The following YAE1 variants were observed in gnomAD, a reference collection of about 807,000 sequenced individuals.
YAE1 encodes YAE1 maturation factor of ABCE1.
A neutral mutation model predicts 23.0 loss-of-function variants in YAE1; 22 were observed. The ratio of observed to expected loss-of-function variants is 0.96; its 90% CI spans 0.68 to 1.37. The LOEUF is 1.37. YAE1 is among the 40% of genes most tolerant of loss of function. The pLI, the probability that YAE1 is intolerant of heterozygous loss-of-function variation, is 0.00. For synonymous variants in YAE1, 101 were observed against 97.0 expected (o/e 1.04, Z -0.24); for missense variants, 260 against 262.1 (o/e 0.99, Z 0.06).
intron 2 of YAE1, among the ~76,000 whole-genome samples, chr7:39,590,096 A>G (rs1389342843): frequency 6.6e-6 from 1 of 152,260 alleles, no homozygotes; most frequent in Non-Finnish European, 1.5e-5. Flanking sequence ...CCATATCAAT[A>G]GGAAAATCAT....
chr7:39,569,970 T>A, intron 1 of YAE1: 2 of 1,340,468 alleles, frequency 1.5e-6, no homozygotes, highest in Non-Finnish European at 2.1e-6. Flanking sequence ...AACATTAACC[T>A]CAGATCTTCT....
At chr7:39,595,935 C>T (rs1284431197) in intron 2 of YAE1, among the ~76,000 whole-genome samples, 2 of 152,210 alleles carry the variant, frequency 1.3e-5, no homozygotes, top group African/African-American at 4.8e-5. Context: ...CAGATATATA[C>T]AGCAGTTATT....
At chr7:39,609,534 A>T in intron 2 of YAE1, 1 of 1,471,362 alleles carries the variant, frequency 6.8e-7, no homozygotes, top group Non-Finnish European at 9.1e-7. Flanking sequence ...TGATGATGTT[A>T]TCGAATTGGG....
At chr7:39,584,174 A>G (rs970518146) in intron 2 of YAE1, among the ~76,000 whole-genome samples, 2 of 152,198 alleles carry the variant, frequency 1.3e-5, no homozygotes, top group Non-Finnish European at 2.9e-5. Context: ...AAACTAAGGA[A>G]GGAGGAAAAA....
At chr7:39,568,611 G>T (rs1269678596) in intron 1 of YAE1, among the ~76,000 whole-genome samples, 2 of 152,024 alleles carry the variant, frequency 1.3e-5, no homozygotes, top group Non-Finnish European at 2.9e-5. Context: ...GGATCTCTCA[G>T]TAAACTTCAG....
chr7:39,566,796 T>A, intron 1 of YAE1: 1 of 417,130 alleles, frequency 2.4e-6, no homozygotes, highest in Non-Finnish European at 4.4e-6. Flanking sequence ...TAACTATGTG[T>A]AGACTTTGAA....
intron 2 of YAE1, among the ~76,000 whole-genome samples, chr7:39,608,135 T>C (rs1000657143): frequency 1.3e-5 from 2 of 152,216 alleles, no homozygotes; most frequent in Non-Finnish European, 2.9e-5. Flanking sequence ...TGAATAACCC[T>C]GAAATCAACA....
Position 39,572,303 on chromosome 7 carries a change from A to G in YAE1, c.278A>G (p.His93Arg), listed in dbSNP as rs752401745. The change falls in exon 3 of 3, where the codon CAT (histidine) becomes CGT (arginine). Residue 93 changes from histidine (H) to arginine (R), a missense_variant. His to Arg is a conservative substitution (Grantham distance 29). Transcript: ENST00000223273. ...GCTTTGCTCTCCTGGTGTCACCTTC[A>G]TAATAATAATTCAACTTTGATCAAT... is the stretch of plus-strand genomic sequence containing the variant. Reference protein sequence around the residue: ...LSALLSWCHLHNNNSTLINKI... With the variant: ...LSALLSWCHLRNNNSTLINKI... The G allele has an allele frequency of 8.7e-6, 14 of 1,612,998 alleles. No individual in the cohort carries two copies. Among genetic ancestry groups the G allele is most frequent in the Middle Eastern group, 1.6e-4 (1 of 6,074 alleles).
chr7:39,578,781 G>A (rs1274764701), intron 2 of YAE1, among the ~76,000 whole-genome samples: 1 of 152,318 alleles, frequency 6.6e-6, no homozygotes, highest in East Asian at 1.9e-4. Context: ...CTTGAAGTCA[G>A]TGAGACCAAG....
chr7:39,611,040 C>T (rs1791206944), downstream of YAE1, among the ~76,000 whole-genome samples: 3 of 151,876 alleles, frequency 2.0e-5, no homozygotes, highest in South Asian at 4.2e-4. Flanking sequence ...CCCAGCTTCT[C>T]GGGAGGCTGA....
At chr7:39,567,739 A>G (rs1203101349) in intron 1 of YAE1, among the ~76,000 whole-genome samples, 1 of 152,184 alleles carries the variant, frequency 6.6e-6, no homozygotes. Context: ...ATTCTAAAGG[A>G]GAGACCTTTA....
chr7:39,572,150 TG>T (rs1562589449), intron 2 of YAE1, 126 bp from the exon 3 acceptor site: 1 of 1,001,718 alleles, frequency 1.0e-6, no homozygotes. Flanking sequence ...TATAGAGTTA[TG>T]AAAGAGGGGT....
rs1299673116 is a variant in YAE1, at chr7:39,567,871, A to G, written c.129+1324A>G. On this transcript the variant is annotated intron_variant, in intron 1 of 2. Coordinates refer to ENST00000223273, the MANE Select transcript of YAE1 (RefSeq NM_020192.5). ...AATGGTCAGTTGATTCATTGTATTT[A>G]TGGTTTTCCCCCTTCTTGTAAGGTG... is the stretch of plus-strand genomic sequence containing the variant. Among the ~76,000 whole-genome samples, 3 of 152,130 alleles carry G rather than the reference A, an allele frequency of 2.0e-5. 1 individual carries two copies. Among genetic ancestry groups the G allele is most frequent in the South Asian group, 4.1e-4 (2 of 4,836 alleles).
At chr7:39,592,963 C>T (rs1247036554) in intron 2 of YAE1, among the ~76,000 whole-genome samples, 1 of 151,988 alleles carries the variant, frequency 6.6e-6, no homozygotes, top group African/African-American at 2.4e-5. Context: ...ATATTTAAAC[C>T]TCTTAATGCT....
At chr7:39,600,363 C>A (rs1189374392) in intron 2 of YAE1, among the ~76,000 whole-genome samples, 1 of 151,654 alleles carries the variant, frequency 6.6e-6, no homozygotes, top group African/African-American at 2.4e-5. Flanking sequence ...TCTAATATGA[C>A]TGGTGTTTTT....
At chr7:39,600,354 CTAATA>C (rs373215392) in intron 2 of YAE1, among the ~76,000 whole-genome samples, 44 of 152,130 alleles carry the variant, frequency 2.9e-4, no homozygotes, top group African/African-American at 1.1e-3. Context: ...GGCCCCTAAT[CTAATA>C]TGACTGGTGT....
chr7:39,601,735 G>A (rs370918168), intron 2 of YAE1, among the ~76,000 whole-genome samples: 1 of 147,386 alleles, frequency 6.8e-6, no homozygotes, highest in African/African-American at 2.5e-5. Flanking sequence ...CTCCAGCCTG[G>A]ATGACAGAGC....
chr7:39,582,798 G>A (rs540733567), intron 2 of YAE1, among the ~76,000 whole-genome samples: 40 of 152,304 alleles, frequency 2.6e-4, no homozygotes, highest in African/African-American at 9.1e-4. Flanking sequence ...CTCCAAGGAA[G>A]TAACCAGGGA....
At chr7:39,591,908 T>C (rs7782206) in intron 2 of YAE1, among the ~76,000 whole-genome samples, 10,029 of 152,294 alleles carry the variant, frequency 0.066, 1,135 homozygotes, top group African/African-American at 0.23. Context: ...TTTTCCGGAA[T>C]GTCACATACT....
Sources: gnomAD v4.1 joint callset for allele counts (sites outside exome capture counted in the v4.1 genomes callset) on GRCh38, gnomAD v4.1.1 for gene constraint, MANE v1.5 for transcripts, NCBI Gene and HGNC (gene_info 2026-07-23, HGNC 2026-07-21) for gene names.